The following NTF3 variants were observed in gnomAD, a reference collection of about 807,000 sequenced individuals.
NTF3 encodes neurotrophin 3.
Under a neutral mutation model 26.3 loss-of-function variants are expected in NTF3, and 8 were observed. The ratio of observed to expected loss-of-function variants is 0.30; its 90% CI spans 0.18 to 0.55. The LOEUF is 0.55. Among genes scored for constraint, NTF3 ranks in the 20% least tolerant of loss-of-function variants. The probability of loss-of-function intolerance (pLI) is 0.93; values close to 1 mark genes in which losing one functional copy is unlikely to be tolerated. For synonymous variants in NTF3, 154 were observed against 145.5 expected, an observed-to-expected ratio of 1.06 and a Z score of -0.42; for missense variants, 276 against 352.9, an observed-to-expected ratio of 0.78 and a Z score of 1.75.
chr12:5,466,626 C>A (rs1940593696), intron 1 of NTF3, among the ~76,000 whole-genome samples: 1 of 152,220 alleles, frequency 6.6e-6, no homozygotes. Context: ...GAAATCTGCT[C>A]AAATGTGGTA....
intron 1 of NTF3, among the ~76,000 whole-genome samples, chr12:5,451,142 ACCT>A (rs1275275705): frequency 6.6e-6 from 1 of 152,144 alleles, no homozygotes; most frequent in Non-Finnish European, 1.5e-5. Context: ...ACAGTAAGCT[ACCT>A]CAAGTTTCTC....
intron 1 of NTF3, among the ~76,000 whole-genome samples, chr12:5,471,158 G>C (rs772153759): frequency 6.6e-6 from 1 of 152,124 alleles, no homozygotes; most frequent in Non-Finnish European, 1.5e-5. Flanking sequence ...TCTAACACTA[G>C]AAATTCCTCT....
At chr12:5,469,288 G>A (rs1940634425) in intron 1 of NTF3, among the ~76,000 whole-genome samples, 1 of 152,158 alleles carries the variant, frequency 6.6e-6, no homozygotes, top group African/African-American at 2.4e-5. Flanking sequence ...GTCAGGAGAA[G>A]TCAGACCATA....
intron 1 of NTF3, among the ~76,000 whole-genome samples, chr12:5,492,733 CTGT>C (rs1278415305): frequency 6.6e-6 from 1 of 152,194 alleles, no homozygotes. Context: ...GAGTGCCTCA[CTGT>C]TGTTGACCTC....
chr12:5,445,038 C>A (rs1215676795), intron 1 of NTF3, among the ~76,000 whole-genome samples: 4 of 152,084 alleles, frequency 2.6e-5, no homozygotes, highest in Non-Finnish European at 5.9e-5. Context: ...GAAACTTTTT[C>A]CCTCTTCTAT....
intron 1 of NTF3, among the ~76,000 whole-genome samples, chr12:5,491,715 T>TC (rs1940938669): frequency 1.6e-5 from 2 of 125,682 alleles, no homozygotes; most frequent in African/African-American, 3.0e-5. Context: ...TCTCTCCTCT[T>TC]CTTTTTTTTT....
chr12:5,481,408 A>C (rs55753735), intron 1 of NTF3, among the ~76,000 whole-genome samples: 3 of 17,618 alleles, frequency 1.7e-4, no homozygotes, highest in South Asian at 1.4e-3. Context: ...CAGAATAACA[A>C]CACCACACCT....
intron 1 of NTF3, among the ~76,000 whole-genome samples, chr12:5,483,730 C>T (rs757708125): frequency 2.0e-5 from 3 of 152,162 alleles, no homozygotes; most frequent in Non-Finnish European, 4.4e-5. Context: ...TTTGAGGAAT[C>T]GCATTTGCGT....
chr12:5,451,084 T>C (rs1408538335), intron 1 of NTF3, among the ~76,000 whole-genome samples: 1 of 152,178 alleles, frequency 6.6e-6, no homozygotes. Context: ...TTCCCTTCAA[T>C]CCCTCTCCAG....
intron 1 of NTF3, among the ~76,000 whole-genome samples, chr12:5,471,871 T>G (rs1178611403): frequency 2.0e-5 from 3 of 152,040 alleles, no homozygotes; most frequent in Non-Finnish European, 2.9e-5. Context: ...TAAAAGGGCT[T>G]GCAGAGAGAG....
At chr12:5,483,199 ATCTCTCTC>A (rs144003087) in intron 1 of NTF3, among the ~76,000 whole-genome samples, 1 of 134,436 alleles carries the variant, frequency 7.4e-6, no homozygotes, top group Non-Finnish European at 1.6e-5. Context: ...CTCTCTTTCT[ATCTCTCTC>A]TCTCTCTCTC....
chr12:5,454,013 C>A (rs1416372809), intron 1 of NTF3, among the ~76,000 whole-genome samples: 1 of 152,176 alleles, frequency 6.6e-6, no homozygotes, highest in African/African-American at 2.4e-5. Context: ...CTAAGACTAC[C>A]CCTGAGAGTT....
chr12:5,485,165 G>GTGT (rs1940853144), intron 1 of NTF3, among the ~76,000 whole-genome samples: 1 of 152,210 alleles, frequency 6.6e-6, no homozygotes, highest in African/African-American at 2.4e-5. Context: ...TCACCTAGAT[G>GTGT]TGTTCTTCAG....
intron 1 of NTF3, among the ~76,000 whole-genome samples, chr12:5,467,091 G>T (rs113520749): frequency 6.6e-6 from 1 of 151,994 alleles, no homozygotes; most frequent in Non-Finnish European, 1.5e-5. Flanking sequence ...TTAGCCAGGC[G>T]TACTGGCAGG....
chr12:5,464,840 G>C (rs1940569529), intron 1 of NTF3, among the ~76,000 whole-genome samples: 2 of 152,132 alleles, frequency 1.3e-5, no homozygotes, highest in South Asian at 4.2e-4. Context: ...ACATCCCAGG[G>C]TTGGGGGGTA....
At chr12:5,468,598 G>T (rs1940621052) in intron 1 of NTF3, among the ~76,000 whole-genome samples, 1 of 152,212 alleles carries the variant, frequency 6.6e-6, no homozygotes, top group Non-Finnish European at 1.5e-5. Flanking sequence ...CTCTGATGGA[G>T]GCTATAAAGA....
chr12:5,490,379 G>A (rs1030348268), intron 1 of NTF3, among the ~76,000 whole-genome samples: 21 of 152,312 alleles, frequency 1.4e-4, no homozygotes, highest in South Asian at 6.2e-4. Context: ...GGTCCCTGTC[G>A]TCAAAGAGAA....
chr12:5,478,153 A>AT (rs1030147682), intron 1 of NTF3, among the ~76,000 whole-genome samples: 8 of 152,180 alleles, frequency 5.3e-5, no homozygotes, highest in Non-Finnish European at 1.2e-4. Context: ...CCACAATAAG[A>AT]TTTTTTCATT....
chr12:5,461,451 G>A (rs1195670677), intron 1 of NTF3, among the ~76,000 whole-genome samples: 2 of 152,006 alleles, frequency 1.3e-5, no homozygotes, highest in Non-Finnish European at 1.5e-5. Flanking sequence ...GGCTACATGG[G>A]CTGTTGGTCA....
Sources: gnomAD v4.1 joint callset for allele counts (sites outside exome capture counted in the v4.1 genomes callset) on GRCh38, gnomAD v4.1.1 for gene constraint, MANE v1.5 for transcripts, NCBI Gene and HGNC (gene_info 2026-07-23, HGNC 2026-07-21) for gene names.